COL16A1: variants seen among roughly 807,000 people sequenced by gnomAD.
The protein encoded by COL16A1 is collagen alpha-1(XVI) chain.
Under a neutral mutation model 266.3 loss-of-function variants are expected in COL16A1, and 189 were observed. That is an observed-to-expected ratio of 0.71 (90% CI 0.63 to 0.80). The LOEUF is 0.80. Ranked by LOEUF, COL16A1 falls within the 30% of genes least tolerant of loss-of-function variation. The pLI is 0.00. For synonymous variants in COL16A1, 740 were observed against 782.3 expected, an observed-to-expected ratio of 0.95 and a Z score of 0.90; for missense variants, 1,928 against 2,122.4, an observed-to-expected ratio of 0.91 and a Z score of 1.80.
chr1:31,694,370 C>A (rs538090136), intron 11 of COL16A1, among the ~76,000 whole-genome samples, 200 bp from the exon 12 acceptor site: 1 of 152,228 alleles, frequency 6.6e-6, no homozygotes. Context: ...GAGGGTCTAA[C>A]CTACCTCCTC....
chr1:31,671,978 A>G (rs1476678108), intron 47 of COL16A1, among the ~76,000 whole-genome samples: 3 of 152,200 alleles, frequency 2.0e-5, no homozygotes, highest in Non-Finnish European at 4.4e-5. Flanking sequence ...ATAGAACAGG[A>G]GCTGGCACAT....
At position 31,694,176 on chromosome 1, in the gene COL16A1, G is replaced by T; in HGVS notation, c.982-6C>A. ...CCAGAGGGAGCAAGTGTGACCTGAG[G>T]GGACAGAGGAGAGGGCATCACACTT... On this transcript the variant is annotated splice_polypyrimidine_tract_variant and splice_region_variant and intron_variant, in intron 11 of 70. Coordinates refer to ENST00000373672, the MANE Select transcript of COL16A1 (RefSeq NM_001856.4). The T allele has an allele frequency of 6.3e-7, 1 of 1,587,216 alleles. No individual in the cohort carries two copies. The highest frequency in any genetic ancestry group is 1.2e-5 in the South Asian group (1 of 86,352).
At chr1:31,673,249 G>C (rs1170508698) in intron 44 of COL16A1, 1 of 302,766 alleles carries the variant, frequency 3.3e-6, no homozygotes, top group African/African-American at 2.2e-5. Flanking sequence ...CAAAGGAACA[G>C]CTGCGGGAGG....
At chr1:31,658,411 T>C (rs1267825096) in intron 64 of COL16A1, 77 bp downstream of exon 64, 4 of 1,221,600 alleles carry the variant, frequency 3.3e-6, no homozygotes, top group Admixed American at 2.4e-5. Flanking sequence ...ACCCCAGATA[T>C]GTTGTGCTGT....
chr1:31,662,310 C>G, intron 58 of COL16A1, 24 bp downstream of exon 58: 1 of 1,601,608 alleles, frequency 6.2e-7, no homozygotes, highest in Non-Finnish European at 8.5e-7. Context: ...AAGGGGTGCC[C>G]GCCCTCCCAG....
At chr1:31,684,331 C>T in intron 31 of COL16A1, 100 bp from the exon 32 acceptor site, 2 of 1,445,526 alleles carry the variant, frequency 1.4e-6, no homozygotes, top group Non-Finnish European at 1.8e-6. Flanking sequence ...TTGAATGCTC[C>T]CACGTCAGCC....
rs952073701 is a variant in COL16A1 at position 31,684,367 on chromosome 1, A to G, written c.2161-136T>C. ...TGGGAAATCAAAACAGGCCCCTGAC[A>G]CTCCTAGCAGAGGAGAAGCCCCGAG... is the stretch of plus-strand genomic sequence containing the variant. On this transcript the variant is annotated intron_variant, in intron 31 of 70. Transcript: ENST00000373672. 16 of 1,459,326 alleles carry G rather than the reference A, an allele frequency of 1.1e-5. No homozygotes were observed. The African/African-American group carries it at 2.0e-4, about 18-fold the overall frequency. 90.4% of individuals were successfully genotyped at this position (1,459,326 alleles called of 1,614,324 possible). A position where few individuals can be genotyped will look rare whatever the true frequency, so the allele number is the denominator to read the frequency against.
chr1:31,673,723 G>T (rs1410358745), intron 44 of COL16A1, among the ~76,000 whole-genome samples: 1 of 152,272 alleles, frequency 6.6e-6, no homozygotes, highest in Non-Finnish European at 1.5e-5. Context: ...GGCGTGACTT[G>T]TCTAAGGAAA....
rs548487487 is a variant in COL16A1 at position 31,664,334 on chromosome 1, G to T, written c.3555+838C>A. On this transcript the variant is annotated intron_variant, in intron 56 of 70. Transcript: ENST00000373672. This position sits in a 1 kb window ranked among gnomAD's most constrained non-coding sequence, Gnocchi z 5.5. ...TAACACCACTGTGTGCCTCTGGGCTGCCCCAAGCCTTGTGGGTGTCAGTTT... is the reference window on the plus strand; with the variant it reads ...TAACACCACTGTGTGCCTCTGGGCTTCCCCAAGCCTTGTGGGTGTCAGTTT... Among the ~76,000 whole-genome samples the T allele has an allele frequency of 1.7e-4, 26 of 152,186 alleles. No homozygotes were observed. Among genetic ancestry groups the T allele is most frequent in the Non-Finnish European group, 3.4e-4 (23 of 68,020 alleles).
rs1175633578 is a variant in COL16A1 at position 31,679,870 on chromosome 1, C to T, written c.2671-19G>A. 2.2e-5 allele frequency: 33 copies of T among 1,503,008 alleles called. No individual in the cohort carries two copies. Among genetic ancestry groups the T allele is most frequent in the Admixed American group, 4.7e-5 (2 of 42,884 alleles). The allele number at this position is 1,503,008 out of a possible 1,614,324, so 93.1% of individuals were successfully genotyped here. ...GAGCACCCTGGGTGGGAGTGGGGGT[C>T]GCAAAAGAAGGGGAGAGGTTATAGG... is the stretch of plus-strand genomic sequence containing the variant. On this transcript the variant is annotated intron_variant, in intron 40 of 70. Transcript: ENST00000373672.
chr1:31,698,549 C>A lies in COL16A1; in HGVS notation c.324G>T (p.Leu108=). The A allele has an allele frequency of 6.2e-7, 1 of 1,614,082 alleles. No individual in the cohort carries two copies. Among genetic ancestry groups the A allele is most frequent in the Non-Finnish European group, 8.5e-7 (1 of 1,180,008 alleles). ...ACGTCTTCTGGTGGGTGTGTTTCTT[C>A]AGCAGTAGTGTCAGCACCAGGGCAA... ...EEFALVLTLL[L]KKHTHQKTWY... is the part of the protein sequence containing the mutation. Residue 108 remains leucine (L), a synonymous_variant, in exon 5 of 71, where the codon CTG becomes CTT. Transcript: ENST00000373672. This position sits in a 1 kb window ranked among gnomAD's most constrained non-coding sequence, Gnocchi z 4.1.
rs1339302409 is a variant in COL16A1, at chr1:31,692,631, G to A, written c.1125C>T (p.Gly375=). Residue 375 remains glycine (G), a synonymous_variant, in exon 15 of 71, where the codon GGC becomes GGT. Transcript: ENST00000373672. ...CTGACTCCCCCTTCTCTCCCTTCGG[G>A]CCTTCTGCACACTGAACAGGGGAAC... ...SPDAPLQCAE[G]PKGEKGESGA... The A allele has an allele frequency of 1.2e-6, 2 of 1,614,110 alleles. No homozygotes were observed. The highest frequency in any genetic ancestry group is 8.5e-7 in the Non-Finnish European group (1 of 1,179,978).
chr1:31,679,465 A>T, intron 42 of COL16A1, 167 bp downstream of exon 42: 1 of 1,610,168 alleles, frequency 6.2e-7, no homozygotes, highest in Non-Finnish European at 8.5e-7. Flanking sequence ...CTAGAGGCTC[A>T]GTGGGCCCTC....
intron 70 of COL16A1, among the ~76,000 whole-genome samples, chr1:31,653,078 TG>T (rs775986596): frequency 2.6e-5 from 4 of 152,260 alleles, no homozygotes; most frequent in Non-Finnish European, 4.4e-5. Flanking sequence ...TGAGTGCTTT[TG>T]ATGCATTATT....
intron 15 of COL16A1, 21 bp from the exon 16 acceptor site, chr1:31,692,530 AGAGGAAGGGAGGGT>A: frequency 6.2e-7 from 1 of 1,614,008 alleles, no homozygotes; most frequent in South Asian, 1.1e-5. Flanking sequence ...GAAGGGAGAC[AGAGGAAGGGAGGGT>A]AAGGCTGGGC....
intron 17 of COL16A1, 129 bp from the exon 18 acceptor site, chr1:31,691,771 C>A (rs906628739): frequency 6.2e-6 from 8 of 1,282,636 alleles, no homozygotes; most frequent in Non-Finnish European, 8.6e-6. Context: ...CCCTGGTGCC[C>A]CAAGGTCAGC....
chr1:31,674,968 C>A (rs764591805), intron 44 of COL16A1, 39 bp downstream of exon 44: 24 of 1,606,174 alleles, frequency 1.5e-5, no homozygotes, highest in South Asian at 1.0e-4. Context: ...TAGGAGACAC[C>A]CCCGCCAGCT....
chr1:31,702,066 C>T, intron 2 of COL16A1, 55 bp downstream of exon 2: 3 of 1,612,942 alleles, frequency 1.9e-6, no homozygotes, highest in Admixed American at 1.7e-5. Flanking sequence ...GACCCCAGCA[C>T]CCCAGGATAC....
Position 31,699,894 on chromosome 1 carries a change from G to A in COL16A1, c.185C>T (p.Thr62Met), listed in dbSNP as rs2228552. 1.1e-5 allele frequency: 17 copies of A among 1,613,588 alleles called. No homozygotes were observed. The South Asian group carries it at 1.1e-4, about 10-fold the overall frequency. The part of the protein sequence containing the change: ...NLIHRLSLMK[T>M]SAIKKIRNPK... Reference sequence around the variant, plus strand: ...GTTGCGGATCTTCTTGATGGCAGACGTCTTCATGAGGCTGAGTCGGTGGAT... The same window carrying A: ...GTTGCGGATCTTCTTGATGGCAGACATCTTCATGAGGCTGAGTCGGTGGAT... Residue 62 changes from threonine (T) to methionine (M), a missense_variant, in exon 4 of 71, where the codon ACG (threonine) becomes ATG (methionine). Physicochemically the swap from Thr to Met is moderately conservative, Grantham distance 81. Coordinates refer to ENST00000373672, the MANE Select transcript of COL16A1 (RefSeq NM_001856.4).
Sources: allele counts gnomAD v4.1 joint callset (sites outside exome capture counted in the v4.1 genomes callset), GRCh38; gene constraint gnomAD v4.1.1; non-coding constraint Gnocchi (gnomAD v3.1); transcripts MANE v1.5; gene names NCBI Gene and HGNC (gene_info 2026-07-23, HGNC 2026-07-21).